TJP1: variants seen among roughly 807,000 people sequenced by gnomAD.
TJP1 encodes tight junction protein 1.
Under a neutral mutation model 194.2 loss-of-function variants are expected in TJP1, and 43 were observed. That is an observed-to-expected ratio of 0.22 (90% CI 0.17 to 0.29). The LOEUF (loss-of-function observed/expected upper bound fraction) is 0.29, where lower values mean the gene tolerates loss of function less well. Among genes scored for constraint, TJP1 ranks in the 10% least tolerant of loss-of-function variants. The probability of loss-of-function intolerance (pLI) is 1.00; values close to 1 mark genes in which losing one functional copy is unlikely to be tolerated. For synonymous variants in TJP1, 801 were observed against 779.0 expected (o/e 1.03, Z -0.47); for missense variants, 1,971 against 2,185.7 (o/e 0.90, Z 1.96).
Position 29,798,105 on chromosome 15 carries a change from TG to T in TJP1, c.84+2540del, listed in dbSNP as rs570469184. On this transcript the variant is annotated intron_variant, in intron 2 of 27. Coordinates refer to ENST00000614355, the MANE Select transcript of TJP1 (RefSeq NM_001330239.4). ...TCTCCTGCCTCAGCCTCCAAGTAGC[TG>T]GGACTACAGGCGCCTGCCACCACGT... Among the ~76,000 whole-genome samples, 616 of 152,234 alleles carry T rather than the reference TG, an allele frequency of 4.0e-3. 1 individual carries two copies. The highest frequency in any genetic ancestry group is 6.1e-3 in the Non-Finnish European group (413 of 68,014).
chr15:29,745,664 G>A (rs2044723408), intron 8 of TJP1, among the ~76,000 whole-genome samples: 1 of 152,194 alleles, frequency 6.6e-6, no homozygotes, highest in African/African-American at 2.4e-5. Flanking sequence ...CACTCTTTAA[G>A]GACTTTAGAA....
Position 29,807,586 on chromosome 15 carries a change from A to G in TJP1, c.28-6884T>C, listed in dbSNP as rs560471563. Among the ~76,000 whole-genome samples the G allele has an allele frequency of 3.3e-5, 5 of 152,256 alleles. No individual in the cohort carries two copies. In the South Asian group the frequency reaches 1.0e-3, roughly 32 times the overall value. ...TGCATAACTCTCTTTCTTAGACCAC[A>G]GTATTGTTTCATGACATTACCCTTC... On this transcript the variant is annotated intron_variant, in intron 1 of 27. Coordinates refer to ENST00000614355, the MANE Select transcript of TJP1 (RefSeq NM_001330239.4).
At position 29,718,121 on chromosome 15, in the gene TJP1, GT is replaced by G. The variant is rs1242846655; in HGVS notation, c.3877-4del. 8 of 1,253,446 alleles carry G rather than the reference GT, an allele frequency of 6.4e-6. No individual in the cohort carries two copies. Among genetic ancestry groups the G allele is most frequent in the Admixed American group, 4.5e-5 (2 of 44,556 alleles). The allele number at this position is 1,253,446 out of a possible 1,614,324, so 77.6% of individuals were successfully genotyped here. A position where few individuals can be genotyped will look rare whatever the true frequency, so the allele number is the denominator to read the frequency against. On this transcript the variant is annotated splice_polypyrimidine_tract_variant and splice_region_variant and intron_variant, in intron 21 of 27. Coordinates refer to ENST00000614355, the MANE Select transcript of TJP1 (RefSeq NM_001330239.4). ...GGTTTAGATGCTACTTCTGGAGGCTGTTTAAAAAAAAAAAAAAAAAAAAGAC... is the reference window on the plus strand; with the variant it reads ...GGTTTAGATGCTACTTCTGGAGGCTGTTAAAAAAAAAAAAAAAAAAAAGAC...
At chr15:29,862,158 G>A (rs971957930) in intron 2 of TJP1, among the ~76,000 whole-genome samples, 2 of 151,950 alleles carry the variant, frequency 1.3e-5, no homozygotes, top group Non-Finnish European at 2.9e-5. Context: ...GAAAATTTTG[G>A]CCCAGAAAGA....
intron 2 of TJP1, among the ~76,000 whole-genome samples, chr15:29,794,980 A>C (rs1359258342): frequency 6.6e-6 from 1 of 152,254 alleles, no homozygotes; most frequent in South Asian, 2.1e-4. Context: ...AGACTGACCA[A>C]GAAATAAGAC....
At chr15:29,959,498 T>C (rs966671299) in intron 1 of TJP1, among the ~76,000 whole-genome samples, 9 of 152,130 alleles carry the variant, frequency 5.9e-5, no homozygotes, top group African/African-American at 2.2e-4. Context: ...AAAACATCCA[T>C]TTCCCCACTG....
intron 2 of TJP1, among the ~76,000 whole-genome samples, chr15:29,940,107 T>C (rs141143538): frequency 3.0e-4 from 46 of 152,328 alleles, no homozygotes; most frequent in Admixed American, 8.5e-4. Context: ...GTGGGGTTTA[T>C]GACAGCATCC....
chr15:29,817,256 G>T (rs776808814), intron 1 of TJP1, among the ~76,000 whole-genome samples: 1 of 152,186 alleles, frequency 6.6e-6, no homozygotes, highest in Non-Finnish European at 1.5e-5. Flanking sequence ...GATCATTAGA[G>T]AAATGCAAAT....
intron 2 of TJP1, among the ~76,000 whole-genome samples, chr15:29,796,492 G>A (rs891966247): frequency 6.6e-6 from 1 of 151,336 alleles, no homozygotes; most frequent in Non-Finnish European, 1.5e-5. Flanking sequence ...GGATCTATTT[G>A]CCAAAAACTA....
upstream of TJP1, chr15:29,823,661 C>A (rs1180211684): frequency 6.6e-6 from 1 of 152,236 alleles, no homozygotes; most frequent in African/African-American, 2.4e-5. Context: ...CCAAAGCTGT[C>A]TGAACCAGAA....
chr15:29,838,459 T>C (rs929221944), intron 2 of TJP1, among the ~76,000 whole-genome samples: 6 of 152,098 alleles, frequency 3.9e-5, no homozygotes, highest in Non-Finnish European at 8.8e-5. Context: ...TGCAAAGAAA[T>C]GTACAGGGTA....
At chr15:29,929,321 C>T (rs1268260989) in intron 2 of TJP1, among the ~76,000 whole-genome samples, 1 of 152,148 alleles carries the variant, frequency 6.6e-6, no homozygotes, top group Non-Finnish European at 1.5e-5. Context: ...ATATGGGATT[C>T]AGCTAAACCA....
chr15:29,757,362 T>A (rs1443910902), intron 8 of TJP1, among the ~76,000 whole-genome samples: 10 of 152,222 alleles, frequency 6.6e-5, no homozygotes, highest in Non-Finnish European at 1.0e-4. Context: ...GTCATTTTTT[T>A]ATCACTTCTT....
chr15:29,854,375 A>C (rs1440850705), intron 2 of TJP1, among the ~76,000 whole-genome samples: 8 of 152,212 alleles, frequency 5.3e-5, no homozygotes, highest in Non-Finnish European at 1.2e-4. Flanking sequence ...GGGGCTGAAG[A>C]GATCATTCCA....
chr15:29,871,537 CT>C (rs1222836789), intron 2 of TJP1, among the ~76,000 whole-genome samples: 1 of 152,248 alleles, frequency 6.6e-6, no homozygotes, highest in Non-Finnish European at 1.5e-5. Context: ...TCTGGGAAAG[CT>C]TGCCGTGGGA....
At chr15:29,759,163 G>C (rs1035449726) in intron 8 of TJP1, 1 of 152,148 alleles carries the variant, frequency 6.6e-6, no homozygotes, top group African/African-American at 2.4e-5. Flanking sequence ...CTTCCTAAAA[G>C]AACGTGCTCC....
Position 29,718,941 on chromosome 15 carries a change from C to T in TJP1, c.3201G>A (p.Thr1067=), listed in dbSNP as rs373971232. Residue 1067 remains threonine, a synonymous_variant, in exon 21 of 28, where the codon ACG becomes ACA. Transcript: ENST00000614355. ...GTTCATAGTTTCGAGAAAACTGGTC[C>T]GTATAGCTTGAGGACTCGTATCTGT... ...PTYRYESSSY[T]DQFSRNYEHR... 838 of 1,614,066 alleles carry T rather than the reference C, an allele frequency of 5.2e-4. 18 individuals are homozygous for T. The South Asian group carries it at 7.5e-3, about 14-fold the overall frequency.
intron 8 of TJP1, 149 bp downstream of exon 8, chr15:29,760,989 AG>A: frequency 9.6e-7 from 1 of 1,040,790 alleles, no homozygotes; most frequent in East Asian, 2.8e-5. Flanking sequence ...CGGTTATTTT[AG>A]ATTTAAAAAA....
intron 1 of TJP1, chr15:29,821,340 G>C (rs2050329475): frequency 6.6e-6 from 1 of 152,244 alleles, no homozygotes; most frequent in Admixed American, 6.5e-5. Context: ...CCATTCGTAG[G>C]AATACTTTGT....
Sources: allele counts gnomAD v4.1 joint callset (sites outside exome capture counted in the v4.1 genomes callset), GRCh38; gene constraint gnomAD v4.1.1; transcripts MANE v1.5; gene names NCBI Gene and HGNC (gene_info 2026-07-23, HGNC 2026-07-21).